POSTN: variants seen among roughly 807,000 people sequenced by gnomAD.
The protein encoded by POSTN is osteoblast specific factor 2 (fasciclin I-like).
Under a neutral mutation model 104.5 loss-of-function variants are expected in POSTN, and 71 were observed. That is an observed-to-expected ratio of 0.68 (90% CI 0.56 to 0.83). The LOEUF (loss-of-function observed/expected upper bound fraction) is 0.83, where lower values mean the gene tolerates loss of function less well. POSTN is among the 40% of genes least tolerant of loss of function. The probability of loss-of-function intolerance (pLI) is 0.00; values close to 1 mark genes in which losing one functional copy is unlikely to be tolerated. For synonymous variants in POSTN, 355 were observed against 340.7 expected (o/e 1.04, Z -0.46); for missense variants, 949 against 1,006.8 (o/e 0.94, Z 0.78).
intron 3 of POSTN, 27 bp downstream of exon 3, chr13:37,592,073 A>G (rs990793037): frequency 1.4e-5 from 21 of 1,533,280 alleles, no homozygotes; most frequent in African/African-American, 5.5e-5. Flanking sequence ...ATAATTCCTT[A>G]TTTAATTCAA....
In POSTN at chr13:37,583,949, C is replaced by A; in HGVS notation, c.1243+20G>T. The A allele has an allele frequency of 2.5e-6, 4 of 1,602,118 alleles. No homozygotes were observed. The highest frequency in any genetic ancestry group is 3.4e-6 in the Non-Finnish European group (4 of 1,172,554). On this transcript the variant is annotated intron_variant, in intron 9 of 22. Coordinates refer to ENST00000379747, the MANE Select transcript of POSTN (RefSeq NM_006475.3). ...AAGGTGTGTAGGCAGAGAGCAGGAA[C>A]AACAGTGTCCAGCACATACCAGAAA...
At chr13:37,569,444 T>A in intron 20 of POSTN, 61 bp from the exon 21 acceptor site, 1 of 1,289,716 alleles carries the variant, frequency 7.8e-7, no homozygotes, top group Non-Finnish European at 1.1e-6. Flanking sequence ...GACAGCAGAC[T>A]TTATGTCATA....
rs71093693 is a variant in POSTN, at chr13:37,564,181, C to CAT, written c.2473+336_2473+337dup. ...GTATACTTGTATATACAAAACATTACATATATATATATATATATATATATA... is the reference window on the plus strand; with the variant it reads ...GTATACTTGTATATACAAAACATTACATATATATATATATATATATATATATA... On this transcript the variant is annotated intron_variant, in intron 22 of 22. Transcript: ENST00000379747. Among the ~76,000 whole-genome samples, 311 of 49,724 alleles carry CAT rather than the reference C, an allele frequency of 6.3e-3. 8 individuals are homozygous for CAT. Among genetic ancestry groups the CAT allele is most frequent in the Middle Eastern group, 0.015 (1 of 66 alleles). 32.6% of individuals were successfully genotyped at this position (49,724 alleles called of 152,430 possible).
rs759944366 is a variant in POSTN at position 37,590,525 on chromosome 13, C to A, written c.288G>T (p.Leu96Phe). 8 of 1,608,216 alleles carry A rather than the reference C, an allele frequency of 5.0e-6. No individual in the cohort carries two copies. The South Asian group carries it at 7.8e-5, about 16-fold the overall frequency. ...MEGMKGCPAV[L>F]PIDHVYGTLG... ...GAGTGCCATAAACATGGTCAATGGG[C>A]AAAACTGAAATAATCAAGAAATGAA... Residue 96 changes from leucine (L) to phenylalanine (F), a missense_variant, in exon 4 of 23, where the codon TTG becomes TTT. Coordinates refer to ENST00000379747, the MANE Select transcript of POSTN (RefSeq NM_006475.3).
At chr13:37,586,950 A>G (rs1950765109) in intron 5 of POSTN, 22 bp from the exon 6 acceptor site, 1 of 1,610,634 alleles carries the variant, frequency 6.2e-7, no homozygotes, top group Non-Finnish European at 8.5e-7. Flanking sequence ...TGGAAAAATC[A>G]AAGTGCTGAA....
chr13:37,597,964 A>G (rs1951131413), intron 1 of POSTN, among the ~76,000 whole-genome samples: 1 of 152,204 alleles, frequency 6.6e-6, no homozygotes, highest in Non-Finnish European at 1.5e-5. Context: ...TGTGAGGCAT[A>G]GGAAGAAGTG....
At chr13:37,570,751 A>C (rs1950239897) in intron 18 of POSTN, 82 bp from the exon 19 acceptor site, 11 of 865,284 alleles carry the variant, frequency 1.3e-5, no homozygotes, top group Non-Finnish European at 1.7e-5. Flanking sequence ...TGTAATGATT[A>C]ACTATATTTC....
chr13:37,573,168 G>A (rs115365417), intron 17 of POSTN, among the ~76,000 whole-genome samples: 4,545 of 151,518 alleles, frequency 0.03, 214 homozygotes, highest in African/African-American at 0.1. Flanking sequence ...AATAATTTCA[G>A]GTAAAGAAGC....
At position 37,587,900 on chromosome 13, in the gene POSTN, G is replaced by C; in HGVS notation, c.528C>G (p.Thr176=). The change falls in exon 5 of 23, where the codon ACC becomes ACG. Residue 176 remains threonine, a synonymous_variant. Transcript: ENST00000379747. ...HSHMINKRML[T]KDLKNGMIIP... ...TAATCATGCCATTTTTTAAGTCCTTGGTCAACATTCTCTTATTAATCATGT... is the reference window on the plus strand; with the variant it reads ...TAATCATGCCATTTTTTAAGTCCTTCGTCAACATTCTCTTATTAATCATGT... The C allele has an allele frequency of 6.2e-7, 1 of 1,600,022 alleles. No homozygotes were observed. Among genetic ancestry groups the C allele is most frequent in the Non-Finnish European group, 8.6e-7 (1 of 1,168,112 alleles).
In POSTN at chr13:37,579,048, T is replaced by C; in HGVS notation, c.1865A>G (p.His622Arg). The C allele has an allele frequency of 6.2e-7, 1 of 1,613,422 alleles. No homozygotes were observed. The highest frequency in any genetic ancestry group is 8.5e-7 in the Non-Finnish European group (1 of 1,179,628). ...SDIMTTNGVI[H>R]VVDKLLYPAD... ...TGGATAGAGGAGTTTATCTACAACA[T>C]GAATTACACCATTTGTTGTCATGAT... Residue 622 changes from histidine to arginine, a missense_variant, in exon 14 of 23, where the codon CAT becomes CGT. His to Arg is a conservative substitution (Grantham distance 29). Coordinates refer to ENST00000379747, the MANE Select transcript of POSTN (RefSeq NM_006475.3).
intron 17 of POSTN, 122 bp downstream of exon 17, chr13:37,574,450 A>G: frequency 1.5e-6 from 2 of 1,327,046 alleles, no homozygotes; most frequent in Non-Finnish European, 2.0e-6. Flanking sequence ...CCATTGGTAT[A>G]ATATTGGTTA....
intron 10 of POSTN, among the ~76,000 whole-genome samples, chr13:37,581,366 G>A (rs546601452): frequency 9.9e-5 from 15 of 152,198 alleles, no homozygotes; most frequent in African/African-American, 3.1e-4. Context: ...AATACTGAAC[G>A]TATCATTAGT....
chr13:37,583,233 A>G (rs1270506524), intron 9 of POSTN, among the ~76,000 whole-genome samples: 2 of 152,144 alleles, frequency 1.3e-5, no homozygotes, highest in African/African-American at 2.4e-5. Context: ...ATGGAAGTGT[A>G]TAAGTCTCTT....
Position 37,564,181 on chromosome 13 carries a change from C to CTTGTATATACAAAACATTACAT in POSTN, c.2473+337_2473+338insATGTAATGTTTTGTATATACAA, listed in dbSNP as rs1397805323. Among the ~76,000 whole-genome samples the CTTGTATATACAAAACATTACAT allele has an allele frequency of 3.3e-3, 165 of 49,770 alleles. 1 individual carries two copies. Among genetic ancestry groups the CTTGTATATACAAAACATTACAT allele is most frequent in the East Asian group, 0.014 (8 of 566 alleles). The allele number at this position is 49,770 out of a possible 152,430, so 32.7% of individuals were successfully genotyped here. A position where few individuals can be genotyped will look rare whatever the true frequency, so the allele number is the denominator to read the frequency against. On this transcript the variant is annotated intron_variant, in intron 22 of 22. Transcript: ENST00000379747. ...GTATACTTGTATATACAAAACATTA[C>CTTGTATATACAAAACATTACAT]ATATATATATATATATATATATATA...
chr13:37,582,264 A>C (rs1030511637), intron 10 of POSTN, 102 bp downstream of exon 10: 2 of 1,311,070 alleles, frequency 1.5e-6, no homozygotes, highest in African/African-American at 1.5e-5. Flanking sequence ...ATGAATATTT[A>C]CTATTAGAAC....
chr13:37,567,235 C>CAAAAAAGAAAAA (rs1950136535), intron 21 of POSTN, among the ~76,000 whole-genome samples: 1 of 36,928 alleles, frequency 2.7e-5, no homozygotes, highest in African/African-American at 1.3e-4. Context: ...GACTCCGTCT[C>CAAAAAAGAAAAA]AAAAAAAAAA....
chr13:37,597,644 C>T (rs1314302740), intron 1 of POSTN, among the ~76,000 whole-genome samples: 8 of 152,070 alleles, frequency 5.3e-5, no homozygotes, highest in Admixed American at 5.2e-4. Flanking sequence ...AGCATGTGCT[C>T]ATTTGGAGGA....
At chr13:37,581,171 G>GAT (rs887275135) in intron 10 of POSTN, among the ~76,000 whole-genome samples, 4 of 151,976 alleles carry the variant, frequency 2.6e-5, no homozygotes, top group East Asian at 1.9e-4. Context: ...GAACGAACGT[G>GAT]ATATATATAT....
At chr13:37,597,663 A>G (rs1399772544) in intron 1 of POSTN, among the ~76,000 whole-genome samples, 1 of 152,178 alleles carries the variant, frequency 6.6e-6, no homozygotes, top group Non-Finnish European at 1.5e-5. Flanking sequence ...GATGGCCATA[A>G]CTTCAGGGCT....
Sources: gnomAD v4.1 joint callset for allele counts (sites outside exome capture counted in the v4.1 genomes callset) on GRCh38, gnomAD v4.1.1 for gene constraint, MANE v1.5 for transcripts, NCBI Gene and HGNC (gene_info 2026-07-23, HGNC 2026-07-21) for gene names.